CASS4: variants seen among roughly 807,000 people sequenced by gnomAD.
The protein encoded by CASS4 is cas scaffolding protein family member 4.
In CASS4, 22 loss-of-function variants were observed where a neutral mutation model predicts 54.2. The ratio of observed to expected loss-of-function variants is 0.41; its 90% CI spans 0.29 to 0.58. The LOEUF is 0.58. Among genes scored for constraint, CASS4 ranks in the 20% least tolerant of loss-of-function variants. The pLI, the probability that CASS4 is intolerant of heterozygous loss-of-function variation, is 0.36. For synonymous variants in CASS4, 409 were observed against 391.5 expected, an observed-to-expected ratio of 1.04 and a Z score of -0.53; for missense variants, 854 against 986.7, an observed-to-expected ratio of 0.87 and a Z score of 1.80.
In CASS4 at chr20:56,430,518, A is replaced by G. The variant is rs1382483224; in HGVS notation, c.37-6646A>G. Among the ~76,000 whole-genome samples the G allele has an allele frequency of 6.6e-6, 1 of 152,206 alleles. No homozygotes were observed. Among genetic ancestry groups the G allele is most frequent in the Non-Finnish European group, 1.5e-5 (1 of 68,036 alleles). On this transcript the variant is annotated intron_variant, in intron 1 of 5. Coordinates refer to ENST00000679887, the MANE Select transcript of CASS4 (RefSeq NM_020356.4). This position sits in a 1 kb window ranked among gnomAD's most constrained non-coding sequence, Gnocchi z 4.2. ...CCAAATTAACACTCTATTTAAGAAT[A>G]CCTTGTGAGTGGCCTCAGCAACCAT... is the stretch of plus-strand genomic sequence containing the variant.
At chr20:56,422,745 C>T (rs947427748) in intron 1 of CASS4, among the ~76,000 whole-genome samples, 3 of 152,334 alleles carry the variant, frequency 2.0e-5, no homozygotes, top group African/African-American at 7.2e-5. Context: ...TCAATGTTAT[C>T]ATGGAGAACC....
At chr20:56,418,164 A>C (rs973939592) in intron 1 of CASS4, among the ~76,000 whole-genome samples, 17 of 152,176 alleles carry the variant, frequency 1.1e-4, no homozygotes, top group Admixed American at 5.9e-4. Flanking sequence ...GAACTGCCAG[A>C]AAGAGGAGAA....
intron 1 of CASS4, among the ~76,000 whole-genome samples, chr20:56,417,365 TC>T (rs1308397825): frequency 2.0e-5 from 3 of 152,164 alleles, no homozygotes; most frequent in Non-Finnish European, 4.4e-5. Context: ...CCCCTGCTGT[TC>T]CCCGCCTTGG....
In CASS4 at chr20:56,419,771, A is replaced by G. The variant is rs188968766; in HGVS notation, c.36+7277A>G. 5.5e-3 allele frequency among the ~76,000 whole-genome samples: 818 copies of G among 148,128 alleles called. 2 individuals carry two copies. The highest frequency in any genetic ancestry group is 8.7e-3 in the Admixed American group (129 of 14,812). ...AAAACTCCTCTAGGAGGCCAGGCAC[A>G]GTGGCTCATGCCTGTAATCCCAGCA... On this transcript the variant is annotated intron_variant, in intron 1 of 5. Coordinates refer to ENST00000679887, the MANE Select transcript of CASS4 (RefSeq NM_020356.4).
intron 1 of CASS4, among the ~76,000 whole-genome samples, chr20:56,419,460 C>A (rs1418984726): frequency 6.6e-6 from 1 of 152,034 alleles, no homozygotes; most frequent in Non-Finnish European, 1.5e-5. Flanking sequence ...TCCCCCACAC[C>A]ACCCCCGCTC....
At chr20:56,451,150 C>G (rs1029639285) in intron 4 of CASS4, among the ~76,000 whole-genome samples, 1 of 152,002 alleles carries the variant, frequency 6.6e-6, no homozygotes, top group African/African-American at 2.4e-5. Flanking sequence ...AGGAATAGGA[C>G]TAATTACGTG....
chr20:56,420,709 A>G (rs990942257), intron 1 of CASS4, among the ~76,000 whole-genome samples: 2 of 151,946 alleles, frequency 1.3e-5, no homozygotes, highest in Non-Finnish European at 2.9e-5. Context: ...TTCAAAAGTG[A>G]GAGTCTCCCC....
chr20:56,445,110 CA>C (rs112103060), intron 2 of CASS4, among the ~76,000 whole-genome samples: 17,317 of 140,824 alleles, frequency 0.12, 1,302 homozygotes, highest in African/African-American at 0.22. Flanking sequence ...AGATCCATCT[CA>C]AAAAAAAAAA....
chr20:56,417,432 G>A (rs372229859), intron 1 of CASS4, among the ~76,000 whole-genome samples: 5 of 152,248 alleles, frequency 3.3e-5, no homozygotes, highest in East Asian at 1.9e-4. Context: ...GGACCACGCT[G>A]TGCAAATCAC....
chr20:56,429,447 C>T (rs576139930), intron 1 of CASS4, among the ~76,000 whole-genome samples: 2 of 152,270 alleles, frequency 1.3e-5, no homozygotes, highest in East Asian at 3.9e-4. Flanking sequence ...GACTTTGAAT[C>T]GCCTCTCTGG....
At chr20:56,431,406 C>T (rs1979897109) in intron 1 of CASS4, among the ~76,000 whole-genome samples, 1 of 152,126 alleles carries the variant, frequency 6.6e-6, no homozygotes, top group African/African-American at 2.4e-5. Flanking sequence ...ATGAGCTGTC[C>T]AGAGACACCC....
Position 56,453,021 on chromosome 20 carries a change from C to G in CASS4, c.1845C>G (p.Pro615=). 1 of 1,614,038 alleles carries G rather than the reference C, an allele frequency of 6.2e-7. No homozygotes were observed. The highest frequency in any genetic ancestry group is 8.5e-7 in the Non-Finnish European group (1 of 1,180,004). The change falls in exon 5 of 6, where the codon CCC becomes CCG. Residue 615 remains proline, a synonymous_variant. Coordinates refer to ENST00000679887, the MANE Select transcript of CASS4 (RefSeq NM_020356.4). ...EFKCEKYIQP[P]QRETESHQKS... ...AGTGTGAAAAATACATCCAGCCTCC[C>G]CAAAGAGAAACTGAATCACACCAAA...
At chr20:56,429,315 T>C (rs1979795014) in intron 1 of CASS4, among the ~76,000 whole-genome samples, 2 of 152,126 alleles carry the variant, frequency 1.3e-5, no homozygotes, top group African/African-American at 4.8e-5. Context: ...ATGCTCCTGC[T>C]CTTCTTCCAA....
rs762812540 is a variant in CASS4, at chr20:56,412,928, C to T, written c.36+434C>T. 2.0e-5 allele frequency among the ~76,000 whole-genome samples: 3 copies of T among 152,182 alleles called. No homozygotes were observed. The highest frequency in any genetic ancestry group is 2.9e-5 in the Non-Finnish European group (2 of 68,032). ...CTTGCCTGCAGCCTCCCGTGCTGAGCCCACAGTGGGCACTTACATGTTATT... is the reference window on the plus strand; with the variant it reads ...CTTGCCTGCAGCCTCCCGTGCTGAGTCCACAGTGGGCACTTACATGTTATT... On this transcript the variant is annotated intron_variant, in intron 1 of 5. Transcript: ENST00000679887. This position sits in a 1 kb window ranked among gnomAD's most constrained non-coding sequence, Gnocchi z 4.2.
At chr20:56,428,242 G>A (rs1370777273) in intron 1 of CASS4, among the ~76,000 whole-genome samples, 1 of 152,206 alleles carries the variant, frequency 6.6e-6, no homozygotes, top group East Asian at 1.9e-4. Context: ...AAACAAGGAG[G>A]AAGCAGGATG....
At chr20:56,423,792 AC>A (rs1307835079) in intron 1 of CASS4, among the ~76,000 whole-genome samples, 2 of 152,108 alleles carry the variant, frequency 1.3e-5, no homozygotes, top group Non-Finnish European at 2.9e-5. Context: ...TGATCCGCAC[AC>A]CTCGGCGTCC....
chr20:56,413,672 CA>C (rs35217347), intron 1 of CASS4, among the ~76,000 whole-genome samples: 419 of 28,290 alleles, frequency 0.015, 2 homozygotes, highest in African/African-American at 0.029. Context: ...GACTCTGTCT[CA>C]AAAAAAAAAA....
chr20:56,412,119 G>A, upstream of CASS4: 1 of 350,188 alleles, frequency 2.9e-6, no homozygotes, highest in Non-Finnish European at 5.4e-6. The surrounding 1 kb of genome is among the most constrained non-coding windows in gnomAD (Gnocchi z 4.2). Context: ...GCAGAAGAGT[G>A]GTGTTTTTTT....
At position 56,452,246 on chromosome 20, in the gene CASS4, C is replaced by T. The variant is rs767728589; in HGVS notation, c.1070C>T (p.Ser357Leu). The change falls in exon 5 of 6, where the codon TCG (serine) becomes TTG (leucine). Residue 357 changes from serine to leucine, a missense_variant. By Grantham distance (145) the Ser-to-Leu change is moderately radical (BLOSUM62 -2). Transcript: ENST00000679887. ...PNIYDIPKAT[S>L]SVSQAGKELE... ...ATTTATGACATCCCTAAAGCAACGT[C>T]GAGTGTTTCTCAGGCTGGGAAGGAG... 3.3e-5 allele frequency: 53 copies of T among 1,613,878 alleles called. No individual in the cohort carries two copies. The highest frequency in any genetic ancestry group is 3.8e-5 in the Non-Finnish European group (45 of 1,180,042).
Sources: allele counts gnomAD v4.1 joint callset (sites outside exome capture counted in the v4.1 genomes callset), GRCh38; gene constraint gnomAD v4.1.1; non-coding constraint Gnocchi (gnomAD v3.1); transcripts MANE v1.5; gene names NCBI Gene and HGNC (gene_info 2026-07-23, HGNC 2026-07-21).